The following CTNNA3 variants were observed in gnomAD, a reference collection of about 807,000 sequenced individuals.
CTNNA3 encodes the protein catenin alpha 3.
CTNNA3 carries 76 observed loss-of-function variants against 95.7 expected under a neutral mutation model. The ratio of observed to expected loss-of-function variants is 0.79; its 90% confidence interval spans 0.66 to 0.96. The LOEUF is 0.96. Among genes scored for constraint, CTNNA3 ranks in the 40% least tolerant of loss-of-function variants. The pLI, the probability that CTNNA3 is intolerant of heterozygous loss-of-function variation, is 0.00. For missense variants in CTNNA3, 1,191 were observed against 1,089.8 expected, an observed-to-expected ratio of 1.09 and a Z score of -1.31; for synonymous variants, 431 against 374.4, an observed-to-expected ratio of 1.15 and a Z score of -1.74.
At chr10:67,646,868 C>T (rs1038296451) in intron 2 of CTNNA3, among the ~76,000 whole-genome samples, 1 of 152,070 alleles carries the variant, frequency 6.6e-6, no homozygotes, top group Non-Finnish European at 1.5e-5. Flanking sequence ...TAAAAAAAGT[C>T]AGAGAATCAT....
At chr10:66,296,178 G>C (rs2132211831) in intron 12 of CTNNA3, among the ~76,000 whole-genome samples, 1 of 152,100 alleles carries the variant, frequency 6.6e-6, no homozygotes, top group East Asian at 1.9e-4. Context: ...TATGTGGTAG[G>C]GAAATTAGCC....
At chr10:67,323,996 C>A (rs1347613624) in intron 5 of CTNNA3, among the ~76,000 whole-genome samples, 1 of 151,890 alleles carries the variant, frequency 6.6e-6, no homozygotes, top group African/African-American at 2.4e-5. Context: ...AGATTATGTT[C>A]CTGATTTGAT....
At chr10:66,095,245 C>T in intron 14 of CTNNA3, among the ~76,000 whole-genome samples, 1 of 151,686 alleles carries the variant, frequency 6.6e-6, no homozygotes, top group Non-Finnish European at 1.5e-5. Flanking sequence ...TCTAATAAAC[C>T]CTAATGTTTA....
At chr10:67,240,881 T>C (rs572724930) in intron 5 of CTNNA3, among the ~76,000 whole-genome samples, 1 of 152,328 alleles carries the variant, frequency 6.6e-6, no homozygotes, top group African/African-American at 2.4e-5. Flanking sequence ...AAATGCACTA[T>C]GTTCATTTCC....
At chr10:66,280,391 G>T in intron 13 of CTNNA3, 79 bp downstream of exon 13, 2 of 1,223,270 alleles carry the variant, frequency 1.6e-6, no homozygotes, top group Non-Finnish European at 2.3e-6. Context: ...TAGAAATAAA[G>T]CATTTCTTGC....
In CTNNA3 at chr10:66,294,485, C is replaced by T. The variant is rs1589044233; in HGVS notation, c.1733-13864G>A. On this transcript the variant is annotated intron_variant, in intron 12 of 17. Transcript: ENST00000433211. ...AAAAGGTTGTGTAATACTAAAAAGA[C>T]TGGAAATCATTGCTCTACATTATGA... 3.9e-5 allele frequency among the ~76,000 whole-genome samples: 6 copies of T among 152,252 alleles called. 1 individual carries two copies.
chr10:66,740,007 G>T (rs1849274836), intron 9 of CTNNA3, among the ~76,000 whole-genome samples: 1 of 152,206 alleles, frequency 6.6e-6, no homozygotes, highest in Non-Finnish European at 1.5e-5. Context: ...AGTAGGAAAG[G>T]TGTTTGTTCC....
At chr10:66,123,346 C>T (rs977070656) in intron 13 of CTNNA3, among the ~76,000 whole-genome samples, 46 of 152,126 alleles carry the variant, frequency 3.0e-4, no homozygotes, top group Middle Eastern at 3.2e-3. Context: ...GTCTCGCATC[C>T]GGGTCATGCT....
At chr10:66,261,883 A>G (rs1341560712) in intron 13 of CTNNA3, among the ~76,000 whole-genome samples, 21 of 151,800 alleles carry the variant, frequency 1.4e-4, no homozygotes, top group Admixed American at 1.4e-3. Context: ...TCTTCCACCA[A>G]TTAACAATCT....
At chr10:66,049,715 T>C (rs1353426489) in intron 15 of CTNNA3, among the ~76,000 whole-genome samples, 1 of 152,184 alleles carries the variant, frequency 6.6e-6, no homozygotes, top group African/African-American at 2.4e-5. Context: ...TACCACATGT[T>C]CTTACTTATA....
At chr10:66,745,587 CTTTT>C (rs368932444) in intron 9 of CTNNA3, among the ~76,000 whole-genome samples, 2 of 109,644 alleles carry the variant, frequency 1.8e-5, no homozygotes. Flanking sequence ...TGCAGACAGC[CTTTT>C]TTTTTTTTTT....
At chr10:66,212,775 G>A (rs1211454788) in intron 13 of CTNNA3, among the ~76,000 whole-genome samples, 1 of 152,186 alleles carries the variant, frequency 6.6e-6, no homozygotes, top group Non-Finnish European at 1.5e-5. Flanking sequence ...AGGCCAAGGT[G>A]GGCAGATTAC....
At chr10:66,338,748 T>A (rs2092423060) in intron 12 of CTNNA3, among the ~76,000 whole-genome samples, 2 of 151,994 alleles carry the variant, frequency 1.3e-5, no homozygotes, top group South Asian at 4.2e-4. Context: ...ACTGAGCAGA[T>A]TAGAACAGTC....
At chr10:66,089,140 C>T (rs1226022508) in intron 14 of CTNNA3, among the ~76,000 whole-genome samples, 1 of 151,904 alleles carries the variant, frequency 6.6e-6, no homozygotes, top group Non-Finnish European at 1.5e-5. Flanking sequence ...ACATTTGGAA[C>T]ATCCTTTACC....
At chr10:66,440,399 C>T (rs1463843957) in intron 11 of CTNNA3, among the ~76,000 whole-genome samples, 3 of 151,996 alleles carry the variant, frequency 2.0e-5, no homozygotes, top group Non-Finnish European at 4.4e-5. Flanking sequence ...ACCTGAAACA[C>T]TTTAAACACC....
intron 5 of CTNNA3, among the ~76,000 whole-genome samples, chr10:67,252,434 T>C (rs1432944840): frequency 6.6e-6 from 1 of 152,168 alleles, no homozygotes; most frequent in Non-Finnish European, 1.5e-5. Flanking sequence ...ATACCTATGA[T>C]AAATTTTAAT....
intron 5 of CTNNA3, among the ~76,000 whole-genome samples, chr10:67,498,774 G>C (rs10997671): frequency 6.6e-6 from 1 of 152,020 alleles, no homozygotes; most frequent in Non-Finnish European, 1.5e-5. Context: ...TGATTTTTGC[G>C]CATTGATTTT....
chr10:66,117,103 G>C (rs2082374155), intron 13 of CTNNA3, among the ~76,000 whole-genome samples: 1 of 152,158 alleles, frequency 6.6e-6, no homozygotes, highest in Non-Finnish European at 1.5e-5. Flanking sequence ...TTATTTGAGA[G>C]TTGGTGGGAG....
chr10:67,720,129 C>CTTTT lies in CTNNA3; in HGVS notation c.-2+43301_-2+43304dup, dbSNP rs58074397. On this transcript the variant is annotated intron_variant, in intron 1 of 17. Transcript: ENST00000684154. ...TCAGAGACTAGGATTGCAACCCCTG[C>CTTTT]TTTTTTTTTTTTTTTTTTTTTTTGC... Among the ~76,000 whole-genome samples, 12 of 6,610 alleles carry CTTTT rather than the reference C, an allele frequency of 1.8e-3. 3 individuals are homozygous for CTTTT. The highest frequency in any genetic ancestry group is 2.9e-3 in the East Asian group (3 of 1,020). 4.3% of individuals were successfully genotyped at this position (6,610 alleles called of 152,430 possible). A position where few individuals can be genotyped will look rare whatever the true frequency, so the allele number is the denominator to read the frequency against.
Sources: gnomAD v4.1 joint callset for allele counts (sites outside exome capture counted in the v4.1 genomes callset) on GRCh38, gnomAD v4.1.1 for gene constraint, MANE v1.5 for transcripts, NCBI Gene and HGNC (gene_info 2026-07-23, HGNC 2026-07-21) for gene names.